YJU2B: variants seen among roughly 807,000 people sequenced by gnomAD.
YJU2B encodes YJU2 splicing factor homolog B, also known as probable splicing factor YJU2B.
YJU2B carries 18 observed loss-of-function variants against 38.0 expected under a neutral mutation model. That is an observed-to-expected ratio of 0.47 (90% confidence interval 0.33 to 0.70). The LOEUF is 0.70. Ranked by LOEUF, YJU2B falls within the 30% of genes least tolerant of loss-of-function variation. The probability of loss-of-function intolerance (pLI) is 0.02; values close to 1 mark genes in which losing one functional copy is unlikely to be tolerated. For missense variants in YJU2B, 538 were observed against 556.3 expected, an observed-to-expected ratio of 0.97 and a Z score of 0.33; for synonymous variants, 246 against 225.4, an observed-to-expected ratio of 1.09 and a Z score of -0.82.
chr19:13,754,534 A>T (rs992658662), intron 3 of YJU2B, among the ~76,000 whole-genome samples, 192 bp downstream of exon 3: 2 of 152,048 alleles, frequency 1.3e-5, no homozygotes, highest in Non-Finnish European at 2.9e-5. Context: ...CTGTAACTCC[A>T]TGTCCACACT....
chr19:13,756,784 G>A (rs897332453), intron 4 of YJU2B, among the ~76,000 whole-genome samples: 2 of 152,134 alleles, frequency 1.3e-5, no homozygotes, highest in African/African-American at 4.8e-5. Flanking sequence ...AGAGCAGCCT[G>A]GCCAACACAG....
chr19:13,733,621 T>C (rs1242026579), intron 2 of YJU2B, among the ~76,000 whole-genome samples: 3 of 152,116 alleles, frequency 2.0e-5, no homozygotes, highest in Admixed American at 1.3e-4. Context: ...CTCGGGAGGC[T>C]GAAGCAGGAG....
In YJU2B at chr19:13,756,167, A is replaced by C. The variant is rs372997231; in HGVS notation, c.58-30A>C. ...TTGTGAGCTCCTCCAGCTCAGCAGC[A>C]CTAATCCGCTCCTCATCCTCTCCAC... On this transcript the variant is annotated intron_variant, in intron 3 of 9. Transcript: ENST00000221554. The C allele has an allele frequency of 1.0e-4, 164 of 1,586,638 alleles. 1 individual carries two copies. Among genetic ancestry groups the C allele is most frequent in the Middle Eastern group, 8.3e-4 (5 of 6,036 alleles).
At chr19:13,733,449 C>T (rs1296661964) in intron 2 of YJU2B, among the ~76,000 whole-genome samples, 1 of 151,312 alleles carries the variant, frequency 6.6e-6, no homozygotes. Context: ...TAGCCAGGCA[C>T]GGTGGCTGAC....
upstream of YJU2B, among the ~76,000 whole-genome samples, chr19:13,743,412 T>G (rs1973144710): frequency 6.8e-6 from 1 of 147,890 alleles, no homozygotes; most frequent in Admixed American, 6.8e-5. Context: ...AAGCCCTGTC[T>G]CTACTAAAAA....
chr19:13,742,108 C>T (rs1017953124), intron 2 of YJU2B, among the ~76,000 whole-genome samples: 2 of 149,808 alleles, frequency 1.3e-5, no homozygotes, highest in African/African-American at 4.9e-5. Context: ...GTTCTGCCCT[C>T]ACCTTTCTGT....
In YJU2B at chr19:13,749,031, C is replaced by G. The variant is rs7254706; in HGVS notation, c.-202+1077C>G. Among the ~76,000 whole-genome samples, 1,350 of 152,298 alleles carry G rather than the reference C, an allele frequency of 8.9e-3. 19 individuals are homozygous for G. The highest frequency in any genetic ancestry group is 0.031 in the African/African-American group (1,293 of 41,566). On this transcript the variant is annotated intron_variant, in intron 1 of 9. Transcript: ENST00000221554. Reference sequence around the variant, plus strand: ...TCTTTCTTTTTGTTGGAGACAGAATCTCACTCTTGTCACCTTGGATGGAGT... The same window carrying G: ...TCTTTCTTTTTGTTGGAGACAGAATGTCACTCTTGTCACCTTGGATGGAGT...
upstream of YJU2B, among the ~76,000 whole-genome samples, chr19:13,746,100 A>C (rs1478416307): frequency 6.6e-6 from 1 of 152,010 alleles, no homozygotes; most frequent in Non-Finnish European, 1.5e-5. Context: ...AAAAATACAA[A>C]TATTAGCCAG....
Position 13,763,125 on chromosome 19 carries a change from C to T in YJU2B, c.*57C>T. On this transcript the variant is annotated 3_prime_UTR_variant, in exon 10 of 10. Transcript: ENST00000221554. Reference sequence around the variant, plus strand: ...TAGAGGCCCGGACACACCCAGGAGGCCCCTCACAGACTGCAGACCCCCGGC... The same window carrying T: ...TAGAGGCCCGGACACACCCAGGAGGTCCCTCACAGACTGCAGACCCCCGGC... 1.4e-6 allele frequency: 2 copies of T among 1,422,814 alleles called. No individual in the cohort carries two copies. The highest frequency in any genetic ancestry group is 1.9e-6 in the Non-Finnish European group (2 of 1,055,458). 88.1% of individuals were successfully genotyped at this position (1,422,814 alleles called of 1,614,324 possible). A position where few individuals can be genotyped will look rare whatever the true frequency, so the allele number is the denominator to read the frequency against.
intron 2 of YJU2B, among the ~76,000 whole-genome samples, chr19:13,738,334 C>T (rs1040448619): frequency 2.0e-5 from 3 of 152,194 alleles, no homozygotes; most frequent in South Asian, 2.1e-4. Context: ...TCATTGTCAT[C>T]ATAGATTGTC....
chr19:13,751,265 A>G (rs1973451051), intron 1 of YJU2B, among the ~76,000 whole-genome samples: 1 of 152,102 alleles, frequency 6.6e-6, no homozygotes, highest in Admixed American at 6.6e-5. Context: ...AAAATACAAA[A>G]TTAGCTGGGT....
chr19:13,757,991 C>T, intron 6 of YJU2B, 145 bp downstream of exon 6: 1 of 658,326 alleles, frequency 1.5e-6, no homozygotes, highest in East Asian at 2.7e-5. Context: ...CACACCCCAC[C>T]CCCGCAACCC....
rs146563459 is a variant in YJU2B, at chr19:13,762,685, G to A, written c.808G>A (p.Gly270Ser). The change falls in exon 10 of 10, where the codon GGC becomes AGC. Residue 270 changes from glycine (G) to serine (S), a missense_variant. Physicochemically the swap from Gly to Ser is moderately conservative, Grantham distance 56. Transcript: ENST00000221554. Reference sequence around the variant, plus strand: ...ATCCGCCTCCAGCAGCAAGGTCAGCGGCGTCCTGAAGAAGCTGGCACAGAG... The same window carrying A: ...ATCCGCCTCCAGCAGCAAGGTCAGCAGCGTCCTGAAGAAGCTGGCACAGAG... The part of the protein sequence containing the change: ...PGSASSSKVS[G>S]VLKKLAQSRR... The A allele has an allele frequency of 3.2e-5, 51 of 1,601,470 alleles. No individual in the cohort carries two copies. The highest frequency in any genetic ancestry group is 1.5e-4 in the African/African-American group (11 of 74,922).
chr19:13,733,164 C>G (rs934901320), intron 2 of YJU2B, among the ~76,000 whole-genome samples: 3 of 147,590 alleles, frequency 2.0e-5, no homozygotes, highest in African/African-American at 7.5e-5. Context: ...CTCCTGACCT[C>G]GTGATCCACC....
intron 2 of YJU2B, among the ~76,000 whole-genome samples, chr19:13,741,738 CAAACA>C (rs550984868): frequency 1.7e-4 from 25 of 149,696 alleles, no homozygotes; most frequent in East Asian, 1.2e-3. Flanking sequence ...CAAACCAAAC[CAAACA>C]AAACAAAACA....
upstream of YJU2B, among the ~76,000 whole-genome samples, chr19:13,743,533 T>C (rs374481374): frequency 1.9e-3 from 236 of 125,604 alleles, no homozygotes; most frequent in Middle Eastern, 0.02. Flanking sequence ...TGAGCCGAGA[T>C]CATGCCACTG....
chr19:13,745,412 C>T (rs1028694425), upstream of YJU2B, among the ~76,000 whole-genome samples: 3 of 152,026 alleles, frequency 2.0e-5, no homozygotes, highest in African/African-American at 7.2e-5. Flanking sequence ...CCTGTAATCC[C>T]AGCACTTTGG....
At chr19:13,750,726 G>T (rs1314388789) in intron 1 of YJU2B, among the ~76,000 whole-genome samples, 1 of 151,936 alleles carries the variant, frequency 6.6e-6, no homozygotes, top group Non-Finnish European at 1.5e-5. Flanking sequence ...GCCAGGCTTG[G>T]TGGCGGGTAC....
chr19:13,754,616 C>G (rs78533585), intron 3 of YJU2B, among the ~76,000 whole-genome samples: 6,581 of 152,154 alleles, frequency 0.043, 495 homozygotes, highest in African/African-American at 0.15. Flanking sequence ...GGTCAGATCC[C>G]ATGGCTTCCC....
Sources: gnomAD v4.1 joint callset for allele counts (sites outside exome capture counted in the v4.1 genomes callset) on GRCh38, gnomAD v4.1.1 for gene constraint, MANE v1.5 for transcripts, NCBI Gene and HGNC (gene_info 2026-07-23, HGNC 2026-07-21) for gene names.